ZNF280C: variants seen among roughly 807,000 people sequenced by gnomAD.
ZNF280C encodes suppressor of hairy wing homolog 3.
ZNF280C carries 14 observed loss-of-function variants against 53.6 expected under a neutral mutation model. The observed-to-expected ratio is 0.26, with a 90% CI of 0.17 to 0.41. The LOEUF (loss-of-function observed/expected upper bound fraction) is 0.41, where lower values mean the gene tolerates loss of function less well. Among genes scored for constraint, ZNF280C ranks in the 10% least tolerant of loss-of-function variants. The pLI is 1.00. For synonymous variants in ZNF280C, 203 were observed against 181.1 expected (o/e 1.12, Z -0.97); for missense variants, 416 against 547.1 (o/e 0.76, Z 2.39).
intron 16 of ZNF280C, 50 bp from the exon 17 acceptor site, chrX:130,205,465 T>C (rs1206606036): frequency 1.1e-6 from 1 of 870,593 alleles, no homozygotes. Flanking sequence ...TTTATGAAAA[T>C]CCATATGAGC....
Position 130,234,250 on chromosome X carries a change from G to T in ZNF280C, c.771+1964C>A, listed in dbSNP as rs6529415. 8.4e-3 allele frequency among the ~76,000 whole-genome samples: 941 copies of T among 111,977 alleles called. 12 individuals are homozygous for T. The highest frequency in any genetic ancestry group is 0.029 in the African/African-American group (888 of 30,862). Reference sequence around the variant, plus strand: ...CAGGTGGAAACAATAAGAAAGCAAGGGTTGTGAGCCTGATATCAAACAAAA... The same window carrying T: ...CAGGTGGAAACAATAAGAAAGCAAGTGTTGTGAGCCTGATATCAAACAAAA... On this transcript the variant is annotated intron_variant, in intron 8 of 18. Coordinates refer to ENST00000370978, the MANE Select transcript of ZNF280C (RefSeq NM_017666.5).
At chrX:130,239,733 T>C (rs1288813509) in intron 5 of ZNF280C, 40 bp from the exon 6 acceptor site, 2 of 824,537 alleles carry the variant, frequency 2.4e-6, no homozygotes, top group Admixed American at 2.5e-5. Flanking sequence ...TAAACTTTTA[T>C]AGAGATAAAT....
intron 10 of ZNF280C, among the ~76,000 whole-genome samples, chrX:130,228,660 ATG>A (rs2032247440): frequency 4.7e-5 from 2 of 42,259 alleles, no homozygotes; most frequent in Non-Finnish European, 8.4e-5. Context: ...GGGTCTTACT[ATG>A]TTGCCCAGGC....
intron 5 of ZNF280C, among the ~76,000 whole-genome samples, chrX:130,242,910 T>A (rs779772061): frequency 9.0e-6 from 1 of 111,397 alleles, no homozygotes; most frequent in Non-Finnish European, 1.9e-5. Flanking sequence ...ACTACTGAGC[T>A]CAAGCAGTCC....
At chrX:130,267,721 G>A (rs192061451) in intron 1 of ZNF280C, among the ~76,000 whole-genome samples, 52 of 112,034 alleles carry the variant, frequency 4.6e-4, no homozygotes, top group Non-Finnish European at 8.1e-4. Context: ...AGTTTGCACA[G>A]TAACCCCCAA....
At chrX:130,241,257 T>C (rs1459907504) in intron 5 of ZNF280C, among the ~76,000 whole-genome samples, 3 of 112,462 alleles carry the variant, frequency 2.7e-5, no homozygotes, top group African/African-American at 6.5e-5. Context: ...AATTTCCTTA[T>C]GTAGGATTCT....
At chrX:130,263,509 C>A (rs1027510701) in intron 1 of ZNF280C, among the ~76,000 whole-genome samples, 1 of 111,608 alleles carries the variant, frequency 9.0e-6, no homozygotes, top group African/African-American at 3.3e-5. Context: ...AATGTCAAAT[C>A]CATAGACAGA....
intron 13 of ZNF280C, among the ~76,000 whole-genome samples, chrX:130,217,515 T>G (rs751016383): frequency 9.7e-4 from 109 of 112,268 alleles, no homozygotes; most frequent in Non-Finnish European, 1.7e-3. Context: ...AAATTTATTG[T>G]AGTGATGTTT....
In ZNF280C at chrX:130,243,293, C is replaced by T. The variant is rs765538399; in HGVS notation, c.381+270G>A. Among the ~76,000 whole-genome samples, 4 of 111,540 alleles carry T rather than the reference C, an allele frequency of 3.6e-5. No individual in the cohort carries two copies. In the South Asian group the frequency reaches 1.5e-3, roughly 42 times the overall value. ...GACCTCCAGGGCTCAAGCAATCCTCCCATCTCAGCCTCCCGAGTAGCTGGG... is the reference window on the plus strand; with the variant it reads ...GACCTCCAGGGCTCAAGCAATCCTCTCATCTCAGCCTCCCGAGTAGCTGGG... On this transcript the variant is annotated intron_variant, in intron 5 of 18. Coordinates refer to ENST00000370978, the MANE Select transcript of ZNF280C (RefSeq NM_017666.5).
intron 16 of ZNF280C, among the ~76,000 whole-genome samples, chrX:130,207,170 A>G (rs1287660221): frequency 1.8e-5 from 2 of 111,134 alleles, no homozygotes; most frequent in East Asian, 5.7e-4. Flanking sequence ...TAACCAGCCT[A>G]TGTGTCTCAT....
intron 5 of ZNF280C, among the ~76,000 whole-genome samples, chrX:130,241,312 C>T (rs1270401489): frequency 8.9e-6 from 1 of 112,419 alleles, no homozygotes; most frequent in African/African-American, 3.2e-5. Context: ...ACTCTGGCTG[C>T]ACATTACAGT....
At chrX:130,245,494 C>G (rs2032440661) in intron 3 of ZNF280C, among the ~76,000 whole-genome samples, 1 of 111,922 alleles carries the variant, frequency 8.9e-6, no homozygotes, top group Non-Finnish European at 1.9e-5. Flanking sequence ...GGAAATGATA[C>G]TGAGAATTCA....
chrX:130,245,427 T>A (rs1028656450), intron 3 of ZNF280C, among the ~76,000 whole-genome samples: 6 of 111,972 alleles, frequency 5.4e-5, no homozygotes, highest in Non-Finnish European at 7.5e-5. Flanking sequence ...GCCAAATATA[T>A]CTAGCTCATT....
chrX:130,263,250 A>T (rs2124718687), intron 1 of ZNF280C, among the ~76,000 whole-genome samples: 1 of 112,702 alleles, frequency 8.9e-6, no homozygotes, highest in African/African-American at 3.2e-5. Flanking sequence ...AAAAATTTGC[A>T]CACAAATGTT....
chrX:130,264,688 T>C (rs929060601), intron 1 of ZNF280C, among the ~76,000 whole-genome samples: 1 of 110,762 alleles, frequency 9.0e-6, no homozygotes, highest in Admixed American at 9.7e-5. Context: ...ATATATAGTA[T>C]ATATCAGTAG....
chrX:130,218,157 C>T (rs1381429051), intron 13 of ZNF280C, among the ~76,000 whole-genome samples: 2 of 111,392 alleles, frequency 1.8e-5, no homozygotes, highest in East Asian at 2.8e-4. Flanking sequence ...GTGAGACCCC[C>T]GTCTCAAAAA....
chrX:130,230,793 T>C, intron 8 of ZNF280C, 66 bp from the exon 9 acceptor site: 3 of 743,740 alleles, frequency 4.0e-6, no homozygotes, highest in Admixed American at 6.0e-5. Flanking sequence ...CAAAAAATGA[T>C]TGTGTTTACA....
At chrX:130,254,387 C>T (rs1157625953) in intron 2 of ZNF280C, among the ~76,000 whole-genome samples, 2 of 111,755 alleles carry the variant, frequency 1.8e-5, no homozygotes, top group Non-Finnish European at 3.8e-5. Context: ...TACCATTAGA[C>T]CCAGCAATTC....
At chrX:130,262,363 G>A (rs1353948333) in intron 1 of ZNF280C, among the ~76,000 whole-genome samples, 1 of 112,346 alleles carries the variant, frequency 8.9e-6, no homozygotes, top group Admixed American at 9.5e-5. Flanking sequence ...ATGCAGCTAT[G>A]GAATTTCTAT....
Sources: gnomAD v4.1 joint callset for allele counts (sites outside exome capture counted in the v4.1 genomes callset) on GRCh38, gnomAD v4.1.1 for gene constraint, MANE v1.5 for transcripts, NCBI Gene and HGNC (gene_info 2026-07-23, HGNC 2026-07-21) for gene names.